SIDT1: variants seen among roughly 807,000 people sequenced by gnomAD.
SIDT1 encodes SID1 transmembrane family, member 1.
A neutral mutation model predicts 107.5 loss-of-function variants in SIDT1; 101 were observed. The observed-to-expected ratio is 0.94, with a 90% CI of 0.80 to 1.11. SIDT1 has a LOEUF of 1.11. Ranked by LOEUF, SIDT1 falls within the 50% of genes least tolerant of loss-of-function variation. The pLI is 0.00. For synonymous variants in SIDT1, 395 were observed against 398.2 expected, an observed-to-expected ratio of 0.99 and a Z score of 0.10; for missense variants, 1,076 against 1,058.2, an observed-to-expected ratio of 1.02 and a Z score of -0.23.
At chr3:113,570,435 T>G (rs553785087) in intron 3 of SIDT1, among the ~76,000 whole-genome samples, 7 of 148,274 alleles carry the variant, frequency 4.7e-5, no homozygotes, top group Non-Finnish European at 7.4e-5. Flanking sequence ...ATTTGAATTG[T>G]AGGAATGGTC....
At chr3:113,555,482 T>G (rs1176794744) in intron 1 of SIDT1, among the ~76,000 whole-genome samples, 1 of 152,240 alleles carries the variant, frequency 6.6e-6, no homozygotes, top group South Asian at 2.1e-4. Context: ...AGAATCTGAC[T>G]GTGCATTTTT....
At chr3:113,589,827 CCTGGCCAA>C (rs1187177205) in intron 9 of SIDT1, 2 of 152,706 alleles carry the variant, frequency 1.3e-5, no homozygotes, top group Non-Finnish European at 2.9e-5. Context: ...AGCCACTGCG[CCTGGCCAA>C]CTTTTCTCCT....
chr3:113,543,332 A>C lies in SIDT1; in HGVS notation c.222+10089A>C, dbSNP rs1449092680. ...ATCCTTACACTTACCCAAAAATTGGAGCCTACAAAACCCTCCTCAGTTTTA... is the reference window on the plus strand; with the variant it reads ...ATCCTTACACTTACCCAAAAATTGGCGCCTACAAAACCCTCCTCAGTTTTA... On this transcript the variant is annotated intron_variant, in intron 1 of 24. Transcript: ENST00000264852. 6.6e-5 allele frequency among the ~76,000 whole-genome samples: 10 copies of C among 152,136 alleles called. No homozygotes were observed. The East Asian group carries it at 1.9e-3, about 29-fold the overall frequency.
chr3:113,543,023 C>T (rs1176188759), intron 1 of SIDT1, among the ~76,000 whole-genome samples: 1 of 151,890 alleles, frequency 6.6e-6, no homozygotes, highest in African/African-American at 2.4e-5. Flanking sequence ...CTCACTGCAA[C>T]TCGACCTCCC....
At chr3:113,617,791 A>G (rs1946207561) in intron 20 of SIDT1, among the ~76,000 whole-genome samples, 1 of 152,294 alleles carries the variant, frequency 6.6e-6, no homozygotes, top group East Asian at 1.9e-4. Flanking sequence ...CTTTACATCC[A>G]CAGAAAAATT....
At chr3:113,590,400 G>T (rs562660059) in intron 9 of SIDT1, among the ~76,000 whole-genome samples, 2 of 152,210 alleles carry the variant, frequency 1.3e-5, no homozygotes, top group Admixed American at 6.5e-5. Context: ...CATTTTGAGA[G>T]AATAATTCAC....
intron 1 of SIDT1, among the ~76,000 whole-genome samples, chr3:113,550,485 C>G (rs577720383): frequency 1.3e-5 from 2 of 152,296 alleles, no homozygotes; most frequent in African/African-American, 4.8e-5. Flanking sequence ...ACACATGTTA[C>G]TTGGGCAGTC....
chr3:113,556,372 C>T (rs940348403), intron 1 of SIDT1, among the ~76,000 whole-genome samples: 2 of 152,086 alleles, frequency 1.3e-5, no homozygotes, highest in African/African-American at 4.8e-5. Context: ...ATGAAACGCT[C>T]CATATAATGA....
At chr3:113,579,221 T>A (rs993981094) in intron 4 of SIDT1, among the ~76,000 whole-genome samples, 1 of 152,190 alleles carries the variant, frequency 6.6e-6, no homozygotes, top group Admixed American at 6.5e-5. Flanking sequence ...CTGGTAAAGG[T>A]AGATTGTCAG....
intron 9 of SIDT1, among the ~76,000 whole-genome samples, chr3:113,592,098 T>C (rs1301124385): frequency 6.6e-6 from 1 of 152,196 alleles, no homozygotes; most frequent in Non-Finnish European, 1.5e-5. Flanking sequence ...GGCAAACTTA[T>C]AGAGACAGAA....
rs771410388 is a variant in SIDT1 at position 113,616,162 on chromosome 3, CG to C, written c.2030del (p.Arg677HisfsTer26). The C allele has an allele frequency of 1.2e-5, 19 of 1,613,068 alleles. No individual in the cohort carries two copies. Among genetic ancestry groups the C allele is most frequent in the Non-Finnish European group, 1.6e-5 (19 of 1,179,176 alleles). On this transcript the variant is annotated frameshift_variant, in exon 20 of 25. Transcript: ENST00000264852. LOFTEE classifies it high-confidence loss of function. ...FYTDCIQQCS[R>X]PLYMDRMVLL... is the part of the protein sequence containing the mutation. ...CACAGACTGTATCCAGCAGTGTAGCCGACCTCTATATATGGTATGTGCATGT... is the reference window on the plus strand; with the variant it reads ...CACAGACTGTATCCAGCAGTGTAGCCACCTCTATATATGGTATGTGCATGT...
chr3:113,626,264 G>T lies in SIDT1; in HGVS notation c.2421+49G>T, dbSNP rs191871225. ...TGACTTTCTTCTCTCTTTACATCTT[G>T]TACTCTCTTTTTCTTCTGCTCTTCC... On this transcript the variant is annotated intron_variant, in intron 24 of 24. Transcript: ENST00000264852. The T allele has an allele frequency of 1.6e-5, 20 of 1,259,102 alleles. 1 individual carries two copies. In the East Asian group the frequency reaches 4.7e-4, roughly 30 times the overall value. 78.0% of individuals were successfully genotyped at this position (1,259,102 alleles called of 1,614,324 possible).
chr3:113,606,075 A>G (rs1945311413), intron 14 of SIDT1, among the ~76,000 whole-genome samples: 1 of 151,996 alleles, frequency 6.6e-6, no homozygotes, highest in Non-Finnish European at 1.5e-5. Context: ...CAGTAAAAGG[A>G]AAATGTAAAA....
the SIDT1 span, among the ~76,000 whole-genome samples, chr3:113,636,472 G>A: frequency 6.6e-6 from 1 of 152,078 alleles, no homozygotes; most frequent in African/African-American, 2.4e-5. Context: ...TAAAAAAAAG[G>A]TGGGGGGGAT....
chr3:113,626,677 C>T (rs1277300792), intron 24 of SIDT1, among the ~76,000 whole-genome samples: 1 of 152,190 alleles, frequency 6.6e-6, no homozygotes, highest in Non-Finnish European at 1.5e-5. Context: ...TGTCTGTTGC[C>T]TTCTGACCAG....
chr3:113,601,588 G>A lies in SIDT1; in HGVS notation c.1046G>A (p.Gly349Asp), dbSNP rs751851665. 5 of 1,613,060 alleles carry A rather than the reference G, an allele frequency of 3.1e-6. No homozygotes were observed. Among genetic ancestry groups the A allele is most frequent in the Non-Finnish European group, 3.4e-6 (4 of 1,179,244 alleles). ...TTTGCCTCTTCACTTTTTTTAACAGGCTCTGGAAATATGGTGGCATCTCAT... is the reference window on the plus strand; with the variant it reads ...TTTGCCTCTTCACTTTTTTTAACAGACTCTGGAAATATGGTGGCATCTCAT... ...SIDGSFGSND[G>D]SGNMVASHPI... The change falls in exon 11 of 25, where the codon GGC becomes GAC. Residue 349 changes from glycine to aspartate, a missense_variant and splice_region_variant. Coordinates refer to ENST00000264852, the MANE Select transcript of SIDT1 (RefSeq NM_017699.3).
At chr3:113,549,123 G>A (rs1450081450) in intron 1 of SIDT1, among the ~76,000 whole-genome samples, 1 of 151,986 alleles carries the variant, frequency 6.6e-6, no homozygotes, top group Non-Finnish European at 1.5e-5. Flanking sequence ...TTCATTGTCT[G>A]GATATACCAC....
At chr3:113,576,996 A>G (rs372502707) in intron 4 of SIDT1, 29 bp downstream of exon 4, 7 of 1,610,290 alleles carry the variant, frequency 4.3e-6, no homozygotes, top group Non-Finnish European at 6.0e-6. Context: ...AGAGTTATCA[A>G]CATCCTACCT....
intron 17 of SIDT1, among the ~76,000 whole-genome samples, chr3:113,609,629 C>T (rs1945598857): frequency 6.6e-6 from 1 of 152,188 alleles, no homozygotes; most frequent in Admixed American, 6.5e-5. Flanking sequence ...TAACGATGTC[C>T]TCCACTCTCA....
Sources: gnomAD v4.1 joint callset for allele counts (sites outside exome capture counted in the v4.1 genomes callset) on GRCh38, gnomAD v4.1.1 for gene constraint, MANE v1.5 for transcripts, NCBI Gene and HGNC (gene_info 2026-07-23, HGNC 2026-07-21) for gene names.